Variants in HIVEP2 observed in about 807,000 individuals in gnomAD.
HIVEP2 encodes transcription factor HIVEP2.
In HIVEP2, 14 loss-of-function variants were observed where a neutral mutation model predicts 180.7. The ratio of observed to expected loss-of-function variants is 0.08; its 90% CI spans 0.05 to 0.12. The LOEUF (loss-of-function observed/expected upper bound fraction) is 0.12. Ranked by LOEUF, HIVEP2 falls within the 10% of genes least tolerant of loss-of-function variation. The pLI is 1.00. For synonymous variants in HIVEP2, 1,184 were observed against 1,136.4 expected, an observed-to-expected ratio of 1.04 and a Z score of -0.84; for missense variants, 2,579 against 3,008.5, an observed-to-expected ratio of 0.86 and a Z score of 3.34.
At chr6:142,842,793 T>C in intron 1 of HIVEP2, among the ~76,000 whole-genome samples, 1 of 151,248 alleles carries the variant, frequency 6.6e-6, no homozygotes, top group South Asian at 2.1e-4. Flanking sequence ...TGCTTCTTAG[T>C]ATAAGATTTT....
chr6:142,862,672 T>C (rs1462822898), intron 1 of HIVEP2, among the ~76,000 whole-genome samples: 1 of 142,934 alleles, frequency 7.0e-6, no homozygotes, highest in Middle Eastern at 0.01. Context: ...ATATATTGTG[T>C]ACTATATCTA....
At chr6:142,917,511 T>C (rs1045582768) in intron 1 of HIVEP2, among the ~76,000 whole-genome samples, 2 of 152,204 alleles carry the variant, frequency 1.3e-5, no homozygotes, top group African/African-American at 2.4e-5. Context: ...TTAACAGTGA[T>C]GATAAAAAAT....
intron 1 of HIVEP2, among the ~76,000 whole-genome samples, chr6:142,843,298 A>G (rs529318669): frequency 7.9e-5 from 12 of 152,340 alleles, no homozygotes; most frequent in African/African-American, 2.9e-4. Context: ...AAGAACACTT[A>G]CTAGTTACCT....
At chr6:142,917,815 GC>G (rs1037297681) in intron 1 of HIVEP2, among the ~76,000 whole-genome samples, 11 of 151,638 alleles carry the variant, frequency 7.3e-5, no homozygotes, top group African/African-American at 2.7e-4. Context: ...TTGCTCTGTT[GC>G]CCAGGCTACA....
chr6:142,866,790 C>T (rs1006084477), intron 1 of HIVEP2, among the ~76,000 whole-genome samples: 2 of 152,128 alleles, frequency 1.3e-5, no homozygotes, highest in Admixed American at 6.6e-5. Flanking sequence ...TCATTTTACT[C>T]TAATGGGGTG....
chr6:142,860,712 G>T (rs986079212), intron 1 of HIVEP2, among the ~76,000 whole-genome samples: 7 of 152,144 alleles, frequency 4.6e-5, no homozygotes, highest in African/African-American at 1.7e-4. Context: ...GACAGGAGGC[G>T]GAGCTCAAGT....
chr6:142,789,138 A>G (rs1297435092), intron 2 of HIVEP2, among the ~76,000 whole-genome samples: 1 of 152,234 alleles, frequency 6.6e-6, no homozygotes. Flanking sequence ...TAAAGACCAC[A>G]GAGAAAATCA....
chr6:142,843,128 G>T (rs577617162), intron 1 of HIVEP2, among the ~76,000 whole-genome samples: 1 of 152,256 alleles, frequency 6.6e-6, no homozygotes, highest in Admixed American at 6.5e-5. Context: ...GAGTCACCAG[G>T]GGAGCTTGTT....
intron 1 of HIVEP2, among the ~76,000 whole-genome samples, chr6:142,854,959 C>A (rs947107201): frequency 6.6e-6 from 1 of 152,168 alleles, no homozygotes; most frequent in African/African-American, 2.4e-5. Flanking sequence ...GGGCAAGGAA[C>A]GTTAAGTAAC....
In HIVEP2 at chr6:142,753,878, T is replaced by C. The variant is rs745612064; in HGVS notation, c.6570A>G (p.Gln2190=). Residue 2190 remains glutamine, a synonymous_variant, in exon 10 of 10, where the codon CAA becomes CAG. Transcript: ENST00000367603. The part of the protein sequence containing the change: ...QVPYFSLYGD[Q]EGAYEHPGSS... ...AGCCTGGATGTTCATAAGCACCTTC[T>C]TGGTCTCCATAGAGACTGAAGTAAG... 3.1e-6 allele frequency: 5 copies of C among 1,613,492 alleles called. No individual in the cohort carries two copies. Among genetic ancestry groups the C allele is most frequent in the Middle Eastern group, 1.7e-4 (1 of 6,060 alleles).
chr6:142,818,178 T>C (rs1203429642), intron 2 of HIVEP2, among the ~76,000 whole-genome samples: 1 of 152,138 alleles, frequency 6.6e-6, no homozygotes, highest in Non-Finnish European at 1.5e-5. Context: ...CCTGCTAGAA[T>C]GCCACACAGC....
intron 1 of HIVEP2, among the ~76,000 whole-genome samples, chr6:142,915,537 T>G (rs1039092143): frequency 6.6e-6 from 1 of 152,198 alleles, no homozygotes; most frequent in African/African-American, 2.4e-5. Context: ...TCTTTTGTTT[T>G]CAGCCACCCA....
At chr6:142,762,393 T>G (rs1242884116) in intron 7 of HIVEP2, among the ~76,000 whole-genome samples, 3 of 151,670 alleles carry the variant, frequency 2.0e-5, no homozygotes, top group Non-Finnish European at 2.9e-5. Context: ...CTTTATGAAA[T>G]GTGAGAAATT....
intron 2 of HIVEP2, among the ~76,000 whole-genome samples, chr6:142,811,072 C>T (rs1048741070): frequency 3.9e-5 from 6 of 151,972 alleles, no homozygotes; most frequent in Non-Finnish European, 7.4e-5. Flanking sequence ...ACAGAGTCTC[C>T]GAAGAACAAA....
rs183428736 is a variant in HIVEP2, at chr6:142,868,144, G to A, written c.-640-31097C>T. 1.3e-4 allele frequency among the ~76,000 whole-genome samples: 20 copies of A among 152,158 alleles called. No individual in the cohort carries two copies. In the East Asian group the frequency reaches 3.5e-3, roughly 26 times the overall value. ...ATGCTTAAACAATAGTTATCCTACC[G>A]GGCTACAGTTCACTTAACCTCACAG... is the stretch of plus-strand genomic sequence containing the variant. On this transcript the variant is annotated intron_variant, in intron 1 of 9. Coordinates refer to ENST00000367603, the MANE Select transcript of HIVEP2 (RefSeq NM_006734.4).
chr6:142,890,343 C>T (rs146741171), intron 1 of HIVEP2, among the ~76,000 whole-genome samples: 30 of 152,326 alleles, frequency 2.0e-4, no homozygotes, highest in Non-Finnish European at 3.7e-4. Flanking sequence ...AAAGTTAACG[C>T]AATTCAGCTT....
At chr6:142,776,389 A>T (rs1005131950) in intron 3 of HIVEP2, among the ~76,000 whole-genome samples, 198 bp from the exon 4 acceptor site, 1 of 152,238 alleles carries the variant, frequency 6.6e-6, no homozygotes, top group African/African-American at 2.4e-5. Flanking sequence ...TGACTCAAAA[A>T]TAACTCAGAG....
intron 1 of HIVEP2, among the ~76,000 whole-genome samples, chr6:142,938,618 G>T (rs1778108018): frequency 6.6e-6 from 1 of 152,174 alleles, no homozygotes; most frequent in Non-Finnish European, 1.5e-5. Context: ...ATGTGTGTAT[G>T]CACACGTGCA....
intron 1 of HIVEP2, among the ~76,000 whole-genome samples, chr6:142,904,083 C>T (rs9403418): frequency 0.071 from 10,768 of 152,180 alleles, 491 homozygotes; most frequent in East Asian, 0.17. Context: ...CACAAAACTT[C>T]ATAGCAATAT....
Sources: gnomAD v4.1 joint callset for allele counts (sites outside exome capture counted in the v4.1 genomes callset) on GRCh38, gnomAD v4.1.1 for gene constraint, MANE v1.5 for transcripts, NCBI Gene and HGNC (gene_info 2026-07-23, HGNC 2026-07-21) for gene names.